Variants in CACNA1E observed in about 807,000 individuals in gnomAD.
CACNA1E encodes voltage-dependent R-type calcium channel subunit alpha-1E.
CACNA1E carries 40 observed loss-of-function variants against 259.2 expected under a neutral mutation model. The observed-to-expected ratio is 0.15, with a 90% CI of 0.12 to 0.20. The LOEUF is 0.20. Ranked by LOEUF, CACNA1E falls within the 10% of genes least tolerant of loss-of-function variation. The pLI, the probability that CACNA1E is intolerant of heterozygous loss-of-function variation, is 1.00. For missense variants in CACNA1E, 1,874 were observed against 3,040.1 expected (o/e 0.62, Z 9.02); for synonymous variants, 1,104 against 1,138.5 (o/e 0.97, Z 0.61).
At chr1:181,778,368 G>C (rs978339108) in intron 38 of CACNA1E, among the ~76,000 whole-genome samples, 1 of 152,174 alleles carries the variant, frequency 6.6e-6, no homozygotes, top group Admixed American at 6.5e-5. Context: ...GTACTGATGA[G>C]CTGCTATCTG....
At chr1:181,584,053 A>T (rs1202776532) in intron 6 of CACNA1E, among the ~76,000 whole-genome samples, 1 of 152,166 alleles carries the variant, frequency 6.6e-6, no homozygotes, top group Non-Finnish European at 1.5e-5. Context: ...GGTGGCTGAG[A>T]GAAGTGACTT....
At chr1:181,646,468 C>G (rs1658273685) in intron 6 of CACNA1E, among the ~76,000 whole-genome samples, 1 of 152,134 alleles carries the variant, frequency 6.6e-6, no homozygotes, top group African/African-American at 2.4e-5. Flanking sequence ...CCCCAGAGAC[C>G]CTTTGCTTCT....
At chr1:181,771,197 G>T (rs902044100) in intron 35 of CACNA1E, 96 bp from the exon 36 acceptor site, 1 of 676,498 alleles carries the variant, frequency 1.5e-6, no homozygotes, top group South Asian at 1.8e-5. Flanking sequence ...TAGGTCATCG[G>T]GAAGAGCCAT....
chr1:181,330,170 C>A (rs892594513), intron 1 of CACNA1E, among the ~76,000 whole-genome samples: 2 of 152,162 alleles, frequency 1.3e-5, no homozygotes, highest in Non-Finnish European at 2.9e-5. Flanking sequence ...AGGAATTGGG[C>A]TGATCAGCTG....
Position 181,590,679 on chromosome 1 carries a change from G to T in CACNA1E, c.951+9903G>T, listed in dbSNP as rs903772398. On this transcript the variant is annotated intron_variant, in intron 6 of 47. Coordinates refer to ENST00000367573, the MANE Select transcript of CACNA1E (RefSeq NM_001205293.3). ...TGCAGTCTTCCTCACCCCAGGAGCT[G>T]GTGGGTGGGTCACAGCACCTGTGAT... Among the ~76,000 whole-genome samples the T allele has an allele frequency of 2.0e-5, 3 of 152,066 alleles. No individual in the cohort carries two copies. In the South Asian group the frequency reaches 6.2e-4, roughly 31 times the overall value.
At chr1:181,621,419 G>A (rs1469293154) in intron 6 of CACNA1E, among the ~76,000 whole-genome samples, 1 of 152,204 alleles carries the variant, frequency 6.6e-6, no homozygotes, top group Non-Finnish European at 1.5e-5. Context: ...TTAACAGAAA[G>A]ACATGGAGTC....
chr1:181,596,557 C>CATGTGTGT (rs371621474), intron 6 of CACNA1E, among the ~76,000 whole-genome samples: 1 of 140,490 alleles, frequency 7.1e-6, no homozygotes, highest in East Asian at 2.3e-4. Context: ...CCACCATGTA[C>CATGTGTGT]GTGTGTGTGT....
Position 181,763,477 on chromosome 1 carries a change from G to C in CACNA1E, c.4761G>C (p.Leu1587=). ...LFRAARLIKL[L]RQGYTIRILL... is the part of the protein sequence containing the mutation. ...GAGCTGCCCGCCTCATAAAGCTCCT[G>C]CGTCAGGGCTATACCATACGCATTT... Residue 1587 remains leucine (L), a synonymous_variant, in exon 34 of 48, where the codon CTG becomes CTC. Transcript: ENST00000367573. 3 of 1,606,856 alleles carry C rather than the reference G, an allele frequency of 1.9e-6. No homozygotes were observed. The highest frequency in any genetic ancestry group is 2.6e-6 in the Non-Finnish European group (3 of 1,174,094).
intron 11 of CACNA1E, among the ~76,000 whole-genome samples, 177 bp from the exon 12 acceptor site, chr1:181,717,878 G>A (rs61813234): frequency 2.6e-4 from 40 of 152,298 alleles, no homozygotes; most frequent in African/African-American, 7.7e-4. Flanking sequence ...CCTGGGACTC[G>A]GCCTGGGTCA....
intron 6 of CACNA1E, among the ~76,000 whole-genome samples, chr1:181,591,096 G>A (rs540570104): frequency 1.3e-5 from 2 of 152,280 alleles, no homozygotes; most frequent in African/African-American, 4.8e-5. Context: ...GTAGAATTGA[G>A]GAAATAGAAA....
chr1:181,701,564 C>A (rs1652261763), intron 7 of CACNA1E, among the ~76,000 whole-genome samples: 1 of 152,202 alleles, frequency 6.6e-6, no homozygotes, highest in Non-Finnish European at 1.5e-5. Context: ...CTGTGTGCTA[C>A]AATGAGGTGG....
intron 32 of CACNA1E, among the ~76,000 whole-genome samples, chr1:181,760,801 C>T (rs997411349): frequency 1.3e-5 from 2 of 152,232 alleles, no homozygotes; most frequent in African/African-American, 4.8e-5. Flanking sequence ...ATCTAGTCTA[C>T]ACTGCACTGT....
Position 181,732,452 on chromosome 1 carries a change from T to C in CACNA1E, c.2366T>C (p.Met789Thr), listed in dbSNP as rs2102549069. 1.3e-6 allele frequency: 2 copies of C among 1,550,706 alleles called. No homozygotes were observed. The highest frequency in any genetic ancestry group is 1.7e-6 in the Non-Finnish European group (2 of 1,146,528). ...CGTACCAGCCAGCTGAGGAAGCACA[T>C]GCAGATGTCCAGCCAGGAGGCCCTC... ...EQRTSQLRKH[M>T]QMSSQEALNR... is the part of the protein sequence containing the mutation. The change falls in exon 20 of 48, where the codon ATG (methionine) becomes ACG (threonine). Residue 789 changes from methionine (M) to threonine (T), a missense_variant. Met to Thr is a moderately conservative substitution (Grantham distance 81, BLOSUM62 -1). Transcript: ENST00000367573. The surrounding 1 kb of genome is among the most constrained non-coding windows in gnomAD (Gnocchi z 5.5).
chr1:181,451,699 C>CAAA (rs11399789), intron 2 of CACNA1E, among the ~76,000 whole-genome samples: 3 of 151,422 alleles, frequency 2.0e-5, no homozygotes, highest in Non-Finnish European at 4.4e-5. Flanking sequence ...CAAAGAAAAA[C>CAAA]AAAAAAAATA....
At chr1:181,685,197 G>A (rs1442013146) in intron 7 of CACNA1E, among the ~76,000 whole-genome samples, 1 of 69,574 alleles carries the variant, frequency 1.4e-5, no homozygotes, top group Non-Finnish European at 3.1e-5. Flanking sequence ...TTTTTTTTTT[G>A]CCTTGCCTAG....
intron 5 of CACNA1E, 136 bp from the exon 6 acceptor site, chr1:181,580,459 A>G: frequency 1.3e-6 from 1 of 765,392 alleles, no homozygotes; most frequent in Non-Finnish European, 2.3e-6. Flanking sequence ...CAGGGAGGAG[A>G]GGGAGCCTGA....
intron 1 of CACNA1E, among the ~76,000 whole-genome samples, chr1:181,356,912 C>T (rs1207953157): frequency 1.3e-5 from 2 of 152,054 alleles, no homozygotes; most frequent in Non-Finnish European, 2.9e-5. Flanking sequence ...CCTGGTTGCT[C>T]GAATGGATTC....
At chr1:181,700,829 G>A (rs1029548674) in intron 7 of CACNA1E, among the ~76,000 whole-genome samples, 4 of 152,180 alleles carry the variant, frequency 2.6e-5, no homozygotes, top group African/African-American at 9.7e-5. Flanking sequence ...ATTGAGTCAC[G>A]TTTGGTGCGT....
At chr1:181,719,924 T>G (rs1654270385) in intron 13 of CACNA1E, 61 bp downstream of exon 13, 1 of 970,034 alleles carries the variant, frequency 1.0e-6, no homozygotes, top group South Asian at 1.5e-5. Flanking sequence ...TTTTTCTGCC[T>G]TATATTTTCT....
Sources: gnomAD v4.1 joint callset for allele counts (sites outside exome capture counted in the v4.1 genomes callset) on GRCh38, gnomAD v4.1.1 for gene constraint, Gnocchi (gnomAD v3.1) non-coding constraint, MANE v1.5 for transcripts, NCBI Gene and HGNC (gene_info 2026-07-23, HGNC 2026-07-21) for gene names.